The following SEMA3D variants were observed in gnomAD, a reference collection of about 807,000 sequenced individuals.
SEMA3D encodes the protein semaphorin 3D.
Under a neutral mutation model 100.1 loss-of-function variants are expected in SEMA3D, and 84 were observed. The ratio of observed to expected loss-of-function variants is 0.84; its 90% CI spans 0.70 to 1.01. The LOEUF is 1.01. Among genes scored for constraint, SEMA3D ranks in the 50% least tolerant of loss-of-function variants. SEMA3D has a pLI of 0.00. For missense variants in SEMA3D, 875 were observed against 934.1 expected (o/e 0.94, Z 0.82); for synonymous variants, 312 against 320.7 (o/e 0.97, Z 0.29).
chr7:85,209,012 A>C, the SEMA3D span, among the ~76,000 whole-genome samples: 1 of 152,112 alleles, frequency 6.6e-6, no homozygotes, highest in Non-Finnish European at 1.5e-5. Context: ...TTATTTAACC[A>C]GAGATTAAAG....
At chr7:85,018,158 A>T (rs866814529) in intron 15 of SEMA3D, 94 bp downstream of exon 15, 1 of 776,348 alleles carries the variant, frequency 1.3e-6, no homozygotes, top group African/African-American at 1.8e-5. Flanking sequence ...TTAAAATTTA[A>T]CTCCCAATTT....
chr7:85,236,075 A>C, the SEMA3D span, among the ~76,000 whole-genome samples: 1 of 152,072 alleles, frequency 6.6e-6, no homozygotes. Flanking sequence ...CAGACATCCC[A>C]GTAGTTAGGT....
intron 5 of SEMA3D, among the ~76,000 whole-genome samples, chr7:85,079,403 AG>A (rs1162052099): frequency 6.6e-6 from 1 of 152,186 alleles, no homozygotes; most frequent in Non-Finnish European, 1.5e-5. Flanking sequence ...AAAAGCAAAA[AG>A]CTCCTCATAT....
Position 85,119,218 on chromosome 7 carries a change from A to C in SEMA3D, c.151+2523T>G, listed in dbSNP as rs142588465. ...GGAAGACAGTGTGGCAATTTCTCAA[A>C]GATCTAAAGACAGAAATACCATTAG... On this transcript the variant is annotated intron_variant, in intron 3 of 18. Transcript: ENST00000284136. Among the ~76,000 whole-genome samples, 427 of 152,338 alleles carry C rather than the reference A, an allele frequency of 2.8e-3. 4 individuals are homozygous for C. The highest frequency in any genetic ancestry group is 9.9e-3 in the African/African-American group (412 of 41,586).
chr7:85,029,442 T>C, intron 12 of SEMA3D: 1 of 758,368 alleles, frequency 1.3e-6, no homozygotes, highest in Non-Finnish European at 2.4e-6. Flanking sequence ...AAGTCAAGAT[T>C]AACAATGAGC....
chr7:85,223,651 C>T, the SEMA3D span, among the ~76,000 whole-genome samples: 10 of 151,706 alleles, frequency 6.6e-5, no homozygotes, highest in East Asian at 3.9e-4. Flanking sequence ...ATTCTAAATA[C>T]AATAACTCAT....
chr7:85,170,293 C>A (rs1791050268), intron 1 of SEMA3D, among the ~76,000 whole-genome samples: 1 of 151,834 alleles, frequency 6.6e-6, no homozygotes, highest in Non-Finnish European at 1.5e-5. Context: ...TTTTAGTAGT[C>A]TGAAACAGTC....
At chr7:85,015,015 C>A in intron 16 of SEMA3D, 44 bp downstream of exon 16, 1 of 1,479,346 alleles carries the variant, frequency 6.8e-7, no homozygotes, top group South Asian at 1.2e-5. Flanking sequence ...AGATATTCAG[C>A]TTGTAGAAAG....
At chr7:85,028,645 A>G (rs1790459473) in intron 12 of SEMA3D, 1 of 206,068 alleles carries the variant, frequency 4.9e-6, no homozygotes, top group Non-Finnish European at 9.7e-6. Flanking sequence ...CTTGCTAAAC[A>G]TACTCTTCCA....
At chr7:85,175,489 A>G (rs1773340171) in intron 1 of SEMA3D, among the ~76,000 whole-genome samples, 1 of 152,202 alleles carries the variant, frequency 6.6e-6, no homozygotes, top group African/African-American at 2.4e-5. Flanking sequence ...ATCATAGTGA[A>G]GTCTAAGTCA....
intron 2 of SEMA3D, among the ~76,000 whole-genome samples, chr7:85,132,878 C>A (rs1306143838): frequency 6.6e-6 from 1 of 151,914 alleles, no homozygotes; most frequent in East Asian, 1.9e-4. Context: ...GAGCTTCTAT[C>A]ATTAATGCTG....
At chr7:85,113,907 GA>G (rs1247806244) in intron 3 of SEMA3D, among the ~76,000 whole-genome samples, 1 of 152,074 alleles carries the variant, frequency 6.6e-6, no homozygotes, top group Non-Finnish European at 1.5e-5. Context: ...ATGAATTATG[GA>G]AAGCAAAGAA....
At chr7:85,138,399 A>C (rs1158077040) in intron 2 of SEMA3D, among the ~76,000 whole-genome samples, 2 of 151,458 alleles carry the variant, frequency 1.3e-5, no homozygotes, top group Non-Finnish European at 2.9e-5. Flanking sequence ...AGGGATTCTC[A>C]CGTCTCAGCC....
the SEMA3D span, among the ~76,000 whole-genome samples, chr7:85,197,285 C>G: frequency 2.6e-5 from 4 of 152,204 alleles, no homozygotes; most frequent in East Asian, 1.9e-4. Flanking sequence ...GAATAGGAAA[C>G]AGTTGGCATC....
Position 85,036,901 on chromosome 7 carries a change from T to C in SEMA3D, c.1179A>G (p.Pro393=), listed in dbSNP as rs928354350. Residue 393 remains proline, a synonymous_variant, in exon 12 of 19, where the codon CCA becomes CCG. Coordinates refer to ENST00000284136, the MANE Select transcript of SEMA3D (RefSeq NM_001384900.1). ...GTTGGATACATACTGTACCAGGCCG[T>C]GGATAAGGAATTCTCCCATCATACT... The part of the protein sequence containing the change: ...WVQYDGRIPY[P]RPGTCPSKTY... The C allele has an allele frequency of 6.2e-7, 1 of 1,612,962 alleles. No individual in the cohort carries two copies. The highest frequency in any genetic ancestry group is 8.5e-7 in the Non-Finnish European group (1 of 1,179,252).
In SEMA3D at chr7:85,006,886, T is replaced by G; in HGVS notation, c.1824A>C (p.Ser608=). The change falls in exon 18 of 19, where the codon TCA becomes TCC. Residue 608 remains serine (S), a synonymous_variant. Transcript: ENST00000284136. ...ATTTAGGTATACATTCCAGAAAGGT[T>G]GAGTTAAATTCAATGCCAAAAATCA... The part of the protein sequence containing the change: ...EKVIFGIEFN[S]TFLECIPKSQ... 6.2e-7 allele frequency: 1 copy of G among 1,610,980 alleles called. No individual in the cohort carries two copies. The highest frequency in any genetic ancestry group is 1.1e-5 in the South Asian group (1 of 90,872).
At chr7:85,179,299 G>A (rs11975381) in intron 1 of SEMA3D, among the ~76,000 whole-genome samples, 70,475 of 151,964 alleles carry the variant, frequency 0.46, 17,536 homozygotes, top group East Asian at 0.72. Context: ...TGGAAAAGCC[G>A]CAGACACTCA....
At chr7:85,106,817 G>A (rs1161248465) in intron 3 of SEMA3D, among the ~76,000 whole-genome samples, 2 of 152,012 alleles carry the variant, frequency 1.3e-5, no homozygotes, top group Non-Finnish European at 2.9e-5. Flanking sequence ...GCAAGCAGGG[G>A]AAATGCCAGA....
At chr7:85,229,458 T>C in the SEMA3D span, among the ~76,000 whole-genome samples, 1 of 152,084 alleles carries the variant, frequency 6.6e-6, no homozygotes, top group Non-Finnish European at 1.5e-5. Flanking sequence ...TTAGGGTTTC[T>C]ACACCATTGG....
Sources: allele counts gnomAD v4.1 joint callset (sites outside exome capture counted in the v4.1 genomes callset), GRCh38; gene constraint gnomAD v4.1.1; transcripts MANE v1.5; gene names NCBI Gene and HGNC (gene_info 2026-07-23, HGNC 2026-07-21).